The following EXD2 variants were observed in gnomAD, a reference collection of about 807,000 sequenced individuals.
The protein encoded by EXD2 is exonuclease 3'-5' domain containing 2.
Under a neutral mutation model 62.5 loss-of-function variants are expected in EXD2, and 40 were observed. The ratio of observed to expected loss-of-function variants is 0.64; its 90% CI spans 0.50 to 0.83. The LOEUF is 0.83. EXD2 is among the 40% of genes least tolerant of loss of function. EXD2 has a pLI of 0.00. For missense variants in EXD2, 671 were observed against 761.8 expected, an observed-to-expected ratio of 0.88 and a Z score of 1.40; for synonymous variants, 239 against 291.9, an observed-to-expected ratio of 0.82 and a Z score of 1.85.
chr14:69,212,505 GTTC>G (rs970699591), intron 3 of EXD2, among the ~76,000 whole-genome samples: 3 of 149,986 alleles, frequency 2.0e-5, no homozygotes, highest in Admixed American at 6.6e-5. Flanking sequence ...TATTATTTTT[GTTC>G]TTCTTTATTG....
At position 69,241,234 on chromosome 14, in the gene EXD2, C is replaced by T; in HGVS notation, c.*134C>T. 2.9e-6 allele frequency: 2 copies of T among 686,870 alleles called. No individual in the cohort carries two copies. The highest frequency in any genetic ancestry group is 5.5e-5 in the East Asian group (2 of 36,498). The allele number at this position is 686,870 out of a possible 1,614,324, so 42.5% of individuals were successfully genotyped here. A position where few individuals can be genotyped will look rare whatever the true frequency, so the allele number is the denominator to read the frequency against. ...CTCAGAATACTAACCTAGACTAATC[C>T]CAGGATGCTTCTGCTGGAGCAAAGA... On this transcript the variant is annotated 3_prime_UTR_variant, in exon 10 of 10. Transcript: ENST00000685843.
At chr14:69,227,741 G>C (rs2043411240) in intron 3 of EXD2, among the ~76,000 whole-genome samples, 1 of 152,110 alleles carries the variant, frequency 6.6e-6, no homozygotes, top group South Asian at 2.1e-4. Context: ...GGCTGAGGCA[G>C]GAGAATAGCT....
At chr14:69,229,199 G>A in intron 4 of EXD2, 127 bp downstream of exon 4, 3 of 1,244,516 alleles carry the variant, frequency 2.4e-6, no homozygotes, top group Middle Eastern at 2.8e-4. Flanking sequence ...CTTCTAAGAT[G>A]CATATTGAAT....
chr14:69,192,313 T>A (rs1270214183), intron 1 of EXD2, among the ~76,000 whole-genome samples: 1 of 152,210 alleles, frequency 6.6e-6, no homozygotes, highest in Non-Finnish European at 1.5e-5. Flanking sequence ...TTCTTAGTTC[T>A]GTTCCAAGGA....
At position 69,237,699 on chromosome 14, in the gene EXD2, C is replaced by T. The variant is rs753330721; in HGVS notation, c.1417C>T (p.Leu473=). The part of the protein sequence containing the change: ...HAISNYYDNH[L]KQQLAKEFQA... ...CATTTCCAACTACTATGACAACCAT[C>T]TGAAGCAGCAGCTGGCCAAGGAGTT... The change falls in exon 9 of 10, where the codon CTG becomes TTG. Residue 473 remains leucine (L), a synonymous_variant. Transcript: ENST00000685843. 6.2e-7 allele frequency: 1 copy of T among 1,614,218 alleles called. No homozygotes were observed. Among genetic ancestry groups the T allele is most frequent in the South Asian group, 1.1e-5 (1 of 91,072 alleles).
chr14:69,240,701 G>A lies in EXD2; in HGVS notation c.1650-183G>A, dbSNP rs1040484018. Among the ~76,000 whole-genome samples the A allele has an allele frequency of 9.9e-5, 15 of 152,116 alleles. 1 individual carries two copies. The highest frequency in any genetic ancestry group is 8.3e-4 in the South Asian group (4 of 4,826). On this transcript the variant is annotated intron_variant, in intron 9 of 9. Coordinates refer to ENST00000685843, the MANE Select transcript of EXD2 (RefSeq NM_001193360.2). ...ATACCTTCTGTTGGGATTGCGAGTC[G>A]TATGTTCAGACTATAAAAAGGGCAG...
rs745790233 is a variant in EXD2, at chr14:69,230,511, C to A, written c.630C>A (p.Leu210=). ...GTAATGGGCTTAGCCTGAAGTCCCT[C>A]GCTGAGACTGTTTTGAACTTTCCCC... is the stretch of plus-strand genomic sequence containing the variant. ...LLCNGLSLKS[L]AETVLNFPLD... Residue 210 remains leucine (L), a synonymous_variant, in exon 5 of 10, where the codon CTC becomes CTA. Transcript: ENST00000685843. 3.1e-6 allele frequency: 5 copies of A among 1,613,742 alleles called. No individual in the cohort carries two copies. The African/African-American group carries it at 5.3e-5, about 17-fold the overall frequency.
chr14:69,197,007 G>T (rs1198998021), intron 1 of EXD2, among the ~76,000 whole-genome samples: 1 of 152,168 alleles, frequency 6.6e-6, no homozygotes, highest in Non-Finnish European at 1.5e-5. Context: ...AACAGCTCAT[G>T]ATATTGAACA....
intron 2 of EXD2, among the ~76,000 whole-genome samples, chr14:69,205,525 T>A (rs2042562450): frequency 6.6e-6 from 1 of 152,182 alleles, no homozygotes. Context: ...ATGTATATAT[T>A]TTTGTCTTTG....
chr14:69,239,302 T>TGGA (rs1373623390), intron 9 of EXD2: 1 of 152,162 alleles, frequency 6.6e-6, no homozygotes, highest in Non-Finnish European at 1.5e-5. Context: ...AACTGTCACT[T>TGGA]TTTCCAACAG....
At chr14:69,236,244 A>G in intron 7 of EXD2, 92 bp downstream of exon 7, 1 of 1,501,124 alleles carries the variant, frequency 6.7e-7, no homozygotes, top group Non-Finnish European at 9.3e-7. Flanking sequence ...GGAGGGATAG[A>G]AGAAGGCAGA....
At chr14:69,217,552 T>A (rs141061723) in intron 3 of EXD2, among the ~76,000 whole-genome samples, 2,771 of 152,230 alleles carry the variant, frequency 0.018, 102 homozygotes, top group Admixed American at 0.078. Context: ...CTTTTTTTTT[T>A]ATTATACTTT....
At chr14:69,220,358 C>T in intron 3 of EXD2, among the ~76,000 whole-genome samples, 1 of 140,410 alleles carries the variant, frequency 7.1e-6, no homozygotes. Context: ...TCAAGCTCCA[C>T]CTCCCGGGTT....
intron 8 of EXD2, 114 bp from the exon 9 acceptor site, chr14:69,237,461 A>G: frequency 1.1e-6 from 1 of 901,046 alleles, no homozygotes; most frequent in Non-Finnish European, 1.8e-6. Flanking sequence ...GTGGTGCCCA[A>G]GGCTTCTCAG....
At chr14:69,194,445 T>C (rs2042132613) in intron 1 of EXD2, among the ~76,000 whole-genome samples, 1 of 152,144 alleles carries the variant, frequency 6.6e-6, no homozygotes, top group African/African-American at 2.4e-5. Context: ...GCCTAGTCAG[T>C]CCATTCTTGA....
At position 69,229,026 on chromosome 14, in the gene EXD2, G is replaced by C. The variant is rs142856571; in HGVS notation, c.544G>C (p.Val182Leu). The C allele has an allele frequency of 3.1e-5, 50 of 1,614,078 alleles. No homozygotes were observed. Among genetic ancestry groups the C allele is most frequent in the Non-Finnish European group, 4.2e-5 (49 of 1,180,030 alleles). The change falls in exon 4 of 10, where the codon GTT becomes CTT. Residue 182 changes from valine (V) to leucine (L), a missense_variant. Val to Leu is a conservative substitution (Grantham distance 32). Transcript: ENST00000685843. The part of the protein sequence containing the change: ...ASKLLQDYGL[V>L]VRGCLDLRYL... ...CAAGCTTCTGCAGGATTATGGCCTC[G>C]TTGTTAGGGGGTGCCTGGACCTCCG...
chr14:69,209,383 A>G (rs1196715185), intron 2 of EXD2, 41 bp from the exon 3 acceptor site: 1 of 1,148,810 alleles, frequency 8.7e-7, no homozygotes, highest in African/African-American at 1.6e-5. Flanking sequence ...GTAAAGGTTT[A>G]TATTCTGTAT....
At chr14:69,200,720 A>G (rs1277083610) in intron 1 of EXD2, among the ~76,000 whole-genome samples, 1 of 136,558 alleles carries the variant, frequency 7.3e-6, no homozygotes, top group African/African-American at 2.8e-5. Context: ...AAAAAAAAAA[A>G]GGCTAAAATG....
chr14:69,195,656 C>T (rs751768424), intron 1 of EXD2, among the ~76,000 whole-genome samples: 1 of 152,116 alleles, frequency 6.6e-6, no homozygotes, highest in Non-Finnish European at 1.5e-5. Context: ...AAACCCATAC[C>T]AATTAGAAGT....
Sources: allele counts gnomAD v4.1 joint callset (sites outside exome capture counted in the v4.1 genomes callset), GRCh38; gene constraint gnomAD v4.1.1; transcripts MANE v1.5; gene names NCBI Gene and HGNC (gene_info 2026-07-23, HGNC 2026-07-21).